Variants in PPM1G observed in about 807,000 individuals in gnomAD.
The protein encoded by PPM1G is protein phosphatase, Mg2+/Mn2+ dependent 1G.
PPM1G carries 12 observed loss-of-function variants against 59.4 expected under a neutral mutation model. The observed-to-expected ratio is 0.20, with a 90% CI of 0.13 to 0.33. The LOEUF (loss-of-function observed/expected upper bound fraction) is 0.33, where lower values mean the gene tolerates loss of function less well. PPM1G is among the 10% of genes least tolerant of loss of function. The pLI is 1.00. For missense variants in PPM1G, 392 were observed against 681.3 expected (o/e 0.58, Z 4.73); for synonymous variants, 245 against 251.9 (o/e 0.97, Z 0.26).
At chr2:27,404,394 A>C (rs1160837349) in intron 1 of PPM1G, among the ~76,000 whole-genome samples, 1 of 151,600 alleles carries the variant, frequency 6.6e-6, no homozygotes, top group Non-Finnish European at 1.5e-5. Context: ...TAAAAATACA[A>C]AAAAAAATTA....
At chr2:27,388,650 C>T (rs1683824398) in intron 1 of PPM1G, among the ~76,000 whole-genome samples, 1 of 151,846 alleles carries the variant, frequency 6.6e-6, no homozygotes. Context: ...CCCAGGCAGG[C>T]GGATCATGAG....
In PPM1G at chr2:27,384,257, G is replaced by A. The variant is rs1683709870; in HGVS notation, c.826-165C>T. On this transcript the variant is annotated intron_variant, in intron 5 of 9. Coordinates refer to ENST00000344034, the MANE Select transcript of PPM1G (RefSeq NM_177983.3). This position sits in a 1 kb window ranked among gnomAD's most constrained non-coding sequence, Gnocchi z 4.8. Reference sequence around the variant, plus strand: ...GGGGGGATGGAAAGGGCTAGCATGAGTACAACTGACATCCTGAACTGGGCT... The same window carrying A: ...GGGGGGATGGAAAGGGCTAGCATGAATACAACTGACATCCTGAACTGGGCT... Among the ~76,000 whole-genome samples, 1 of 152,214 alleles carries A rather than the reference G, an allele frequency of 6.6e-6. No individual in the cohort carries two copies. Among genetic ancestry groups the A allele is most frequent in the Non-Finnish European group, 1.5e-5 (1 of 68,036 alleles).
intron 1 of PPM1G, among the ~76,000 whole-genome samples, chr2:27,397,180 T>G (rs978141782): frequency 2.0e-5 from 3 of 152,044 alleles, no homozygotes; most frequent in Non-Finnish European, 4.4e-5. Flanking sequence ...CAATGAAAAT[T>G]TTTAAAGAAA....
At chr2:27,386,382 G>A in intron 2 of PPM1G, 103 bp from the exon 3 acceptor site, 3 of 826,952 alleles carry the variant, frequency 3.6e-6, no homozygotes, top group African/African-American at 1.7e-5. Flanking sequence ...AGGGTTGAGG[G>A]GATAAATATC....
chr2:27,393,083 C>T, intron 1 of PPM1G: 1 of 1,263,154 alleles, frequency 7.9e-7, no homozygotes, highest in Non-Finnish European at 1.1e-6. Context: ...TCTCCCATCG[C>T]ATTCTCCCCG....
At chr2:27,391,477 T>C (rs1683901471) in intron 1 of PPM1G, among the ~76,000 whole-genome samples, 1 of 152,234 alleles carries the variant, frequency 6.6e-6, no homozygotes, top group Non-Finnish European at 1.5e-5. Flanking sequence ...ATGTACGTCT[T>C]TTGAGAAGTA....
intron 1 of PPM1G, among the ~76,000 whole-genome samples, chr2:27,388,765 C>G (rs2148420337): frequency 1.3e-5 from 2 of 151,472 alleles, no homozygotes; most frequent in South Asian, 2.1e-4. Context: ...GTCCCAGCTA[C>G]TTGGGAGGCT....
chr2:27,390,861 A>AT (rs1235641622), intron 1 of PPM1G, among the ~76,000 whole-genome samples: 1 of 136,266 alleles, frequency 7.3e-6, no homozygotes, highest in Non-Finnish European at 1.5e-5. Context: ...ACCCATGTCT[A>AT]TTGTTGCCAT....
In PPM1G at chr2:27,382,662, G is replaced by C; in HGVS notation, c.1202-57C>G. The C allele has an allele frequency of 6.2e-7, 1 of 1,601,458 alleles. No homozygotes were observed. The highest frequency in any genetic ancestry group is 1.1e-5 in the South Asian group (1 of 90,268). Reference sequence around the variant, plus strand: ...GGATACTTCCCACAGACTTGTGTTTGTGGCAGGTCAAACCTTGCCATTCAT... The same window carrying C: ...GGATACTTCCCACAGACTTGTGTTTCTGGCAGGTCAAACCTTGCCATTCAT... On this transcript the variant is annotated intron_variant, in intron 7 of 9. Transcript: ENST00000344034. The surrounding 1 kb of genome is among the most constrained non-coding windows in gnomAD (Gnocchi z 4.2).
chr2:27,392,611 T>TTTG (rs535914125), intron 1 of PPM1G, among the ~76,000 whole-genome samples: 1 of 102,782 alleles, frequency 9.7e-6, no homozygotes, highest in African/African-American at 3.8e-5. Context: ...ATTTTTTTTT[T>TTTG]GGGGGGGGGG....
chr2:27,382,663 T>C lies in PPM1G; in HGVS notation c.1202-58A>G. 1 of 1,601,170 alleles carries C rather than the reference T, an allele frequency of 6.2e-7. No homozygotes were observed. Among genetic ancestry groups the C allele is most frequent in the Non-Finnish European group, 8.5e-7 (1 of 1,170,004 alleles). On this transcript the variant is annotated intron_variant, in intron 7 of 9. Transcript: ENST00000344034. The surrounding 1 kb of genome is among the most constrained non-coding windows in gnomAD (Gnocchi z 4.2). ...GATACTTCCCACAGACTTGTGTTTGTGGCAGGTCAAACCTTGCCATTCATT... is the reference window on the plus strand; with the variant it reads ...GATACTTCCCACAGACTTGTGTTTGCGGCAGGTCAAACCTTGCCATTCATT...
chr2:27,406,685 G>C (rs1181426802), intron 1 of PPM1G, among the ~76,000 whole-genome samples: 1 of 152,134 alleles, frequency 6.6e-6, no homozygotes, highest in Non-Finnish European at 1.5e-5. Flanking sequence ...GCAGCAAATA[G>C]TATGGAATCA....
intron 1 of PPM1G, among the ~76,000 whole-genome samples, chr2:27,396,683 C>T (rs188872584): frequency 5.9e-5 from 9 of 151,838 alleles, no homozygotes; most frequent in South Asian, 4.2e-4. Flanking sequence ...GGCATGGTGG[C>T]GCATGCCTGT....
chr2:27,381,857 G>A (rs753945540), intron 9 of PPM1G, 52 bp from the exon 10 acceptor site: 1 of 1,564,274 alleles, frequency 6.4e-7, no homozygotes, highest in Non-Finnish European at 8.8e-7. Context: ...ACCTTGCCAG[G>A]AATCTACAGT....
chr2:27,383,794 C>A lies in PPM1G; in HGVS notation c.966+158G>T, dbSNP rs1031795153. Among the ~76,000 whole-genome samples, 2 of 152,180 alleles carry A rather than the reference C, an allele frequency of 1.3e-5. No homozygotes were observed. The highest frequency in any genetic ancestry group is 2.9e-5 in the Non-Finnish European group (2 of 68,040). ...CCCTTGTTTTTAGATAATTCAACCCCAAAGGCTTACCATCTCATTCCCCTT... is the reference window on the plus strand; with the variant it reads ...CCCTTGTTTTTAGATAATTCAACCCAAAAGGCTTACCATCTCATTCCCCTT... On this transcript the variant is annotated intron_variant, in intron 6 of 9. Coordinates refer to ENST00000344034, the MANE Select transcript of PPM1G (RefSeq NM_177983.3). The surrounding 1 kb of genome is among the most constrained non-coding windows in gnomAD (Gnocchi z 5.0).
intron 1 of PPM1G, among the ~76,000 whole-genome samples, chr2:27,402,214 A>AATTAAGCTTAAG (rs1418393694): frequency 6.6e-6 from 1 of 152,222 alleles, no homozygotes; most frequent in Non-Finnish European, 1.5e-5. Flanking sequence ...CTGTCTACAA[A>AATTAAGCTTAAG]ATGTCATTAA....
chr2:27,390,759 G>T (rs761383605), intron 1 of PPM1G, among the ~76,000 whole-genome samples: 1 of 152,120 alleles, frequency 6.6e-6, no homozygotes, highest in East Asian at 1.9e-4. Flanking sequence ...CGTTTCCCAG[G>T]TGCTGGGTAT....
At position 27,382,738 on chromosome 2, in the gene PPM1G, T is replaced by C; in HGVS notation, c.1202-133A>G. 2.6e-6 allele frequency: 3 copies of C among 1,162,044 alleles called. No individual in the cohort carries two copies. The highest frequency in any genetic ancestry group is 1.6e-5 in the South Asian group (1 of 64,458). The allele number at this position is 1,162,044 out of a possible 1,614,324, so 72.0% of individuals were successfully genotyped here. ...TCTAGTGGAATGGGGAACTGAGTCC[T>C]AAGTCCTAGTTTTTCTAGTTTCAAC... On this transcript the variant is annotated intron_variant, in intron 7 of 9. Coordinates refer to ENST00000344034, the MANE Select transcript of PPM1G (RefSeq NM_177983.3). The surrounding 1 kb of genome is among the most constrained non-coding windows in gnomAD (Gnocchi z 4.2).
Position 27,385,337 on chromosome 2 carries a change from A to T in PPM1G, c.410-249T>A. 1 of 464,764 alleles carries T rather than the reference A, an allele frequency of 2.2e-6. No individual in the cohort carries two copies. The highest frequency in any genetic ancestry group is 3.7e-6 in the Non-Finnish European group (1 of 267,156). The allele number at this position is 464,764 out of a possible 1,614,324, so 28.8% of individuals were successfully genotyped here. ...TACTATACTTCCCCTCTGACGTCTC[A>T]TTTTTTATTGTTAAGTTGTAAAAAC... is the stretch of plus-strand genomic sequence containing the variant. On this transcript the variant is annotated intron_variant, in intron 4 of 9. Transcript: ENST00000344034. The surrounding 1 kb of genome is among the most constrained non-coding windows in gnomAD (Gnocchi z 4.1).
Sources: allele counts gnomAD v4.1 joint callset (sites outside exome capture counted in the v4.1 genomes callset), GRCh38; gene constraint gnomAD v4.1.1; non-coding constraint Gnocchi (gnomAD v3.1); transcripts MANE v1.5; gene names NCBI Gene and HGNC (gene_info 2026-07-23, HGNC 2026-07-21).